PRKCA: variants seen among roughly 807,000 people sequenced by gnomAD.
PRKCA encodes the protein protein kinase C alpha.
PRKCA carries 27 observed loss-of-function variants against 87.0 expected under a neutral mutation model. The observed-to-expected ratio is 0.31, with a 90% confidence interval of 0.23 to 0.43. The LOEUF is 0.43. Among genes scored for constraint, PRKCA ranks in the 20% least tolerant of loss-of-function variants. The probability of loss-of-function intolerance (pLI) is 1.00; values close to 1 mark genes in which losing one functional copy is unlikely to be tolerated. For synonymous variants in PRKCA, 329 were observed against 311.1 expected, an observed-to-expected ratio of 1.06 and a Z score of -0.61; for missense variants, 518 against 852.3, an observed-to-expected ratio of 0.61 and a Z score of 4.88.
At chr17:66,590,479 A>G (rs1206198113) in intron 3 of PRKCA, among the ~76,000 whole-genome samples, 3 of 152,192 alleles carry the variant, frequency 2.0e-5, no homozygotes, top group Non-Finnish European at 2.9e-5. Context: ...TAAATGTTAT[A>G]TACACAGTAC....
At chr17:66,519,541 C>T (rs747675161) in intron 3 of PRKCA, among the ~76,000 whole-genome samples, 1 of 152,108 alleles carries the variant, frequency 6.6e-6, no homozygotes, top group East Asian at 1.9e-4. Flanking sequence ...TCCTGGCCCT[C>T]GGTTTCCTCA....
intron 2 of PRKCA, among the ~76,000 whole-genome samples, chr17:66,350,590 G>A (rs1288206661): frequency 2.0e-5 from 3 of 152,042 alleles, no homozygotes; most frequent in South Asian, 2.1e-4. Flanking sequence ...TGGCACCGTC[G>A]TGGCTCACTG....
intron 14 of PRKCA, among the ~76,000 whole-genome samples, chr17:66,781,891 T>TATATATATA (rs1568030798): frequency 7.3e-4 from 99 of 135,460 alleles, no homozygotes; most frequent in Admixed American, 1.3e-3. Flanking sequence ...ATATATAGTG[T>TATATATATA]GTGTGTGTGT....
rs1290807308 is a variant in PRKCA, at chr17:66,587,889, GTGTGTGTA to G, written c.289-53464_289-53457del. Among the ~76,000 whole-genome samples, 49 of 94,226 alleles carry G rather than the reference GTGTGTGTA, an allele frequency of 5.2e-4. 4 individuals are homozygous for G. The highest frequency in any genetic ancestry group is 9.3e-4 in the Non-Finnish European group (46 of 49,314). 61.8% of individuals were successfully genotyped at this position (94,226 alleles called of 152,430 possible). On this transcript the variant is annotated intron_variant, in intron 3 of 16. Transcript: ENST00000413366. ...TATGTATGTGTGTGTGTGTGTGTGT[GTGTGTGTA>G]TATATATATATATATATATATATAT...
At chr17:66,560,671 G>T (rs1228417488) in intron 3 of PRKCA, among the ~76,000 whole-genome samples, 1 of 152,172 alleles carries the variant, frequency 6.6e-6, no homozygotes, top group Non-Finnish European at 1.5e-5. Flanking sequence ...TAAGCCCTAT[G>T]ACACCGTTCA....
At chr17:66,416,081 A>C (rs1005708362) in intron 2 of PRKCA, 1 of 151,626 alleles carries the variant, frequency 6.6e-6, no homozygotes, top group African/African-American at 2.4e-5. Flanking sequence ...AACCGGTAAG[A>C]CCCCCTCCCT....
rs1430986533 is a variant in PRKCA, at chr17:66,783,164, C to T, written c.1606-3703C>T. Reference sequence around the variant, plus strand: ...AGGCTGGAATGCACAGGCTCTGTCACGGGTGTTTGGTCTTGTGGCTTTGTT... The same window carrying T: ...AGGCTGGAATGCACAGGCTCTGTCATGGGTGTTTGGTCTTGTGGCTTTGTT... On this transcript the variant is annotated intron_variant, in intron 14 of 16. Coordinates refer to ENST00000413366, the MANE Select transcript of PRKCA (RefSeq NM_002737.3). 2.0e-5 allele frequency among the ~76,000 whole-genome samples: 3 copies of T among 152,224 alleles called. 1 individual carries two copies. Among genetic ancestry groups the T allele is most frequent in the South Asian group, 4.2e-4 (2 of 4,804 alleles).
chr17:66,670,719 C>T (rs948435985), intron 5 of PRKCA, among the ~76,000 whole-genome samples: 4 of 151,602 alleles, frequency 2.6e-5, no homozygotes, highest in East Asian at 1.9e-4. Context: ...CAGAAATGAC[C>T]GGTGTGATGG....
Position 66,710,759 on chromosome 17 carries a change from G to A in PRKCA, c.918+21712G>A, listed in dbSNP as rs569542078. Among the ~76,000 whole-genome samples the A allele has an allele frequency of 2.8e-4, 42 of 152,174 alleles. No individual in the cohort carries two copies. The South Asian group carries it at 8.3e-3, about 30-fold the overall frequency. ...TTTAAAATTTTACCTGCTGGGCACG[G>A]TGGCTCACACCTGTAATCCCAGCAC... On this transcript the variant is annotated intron_variant, in intron 8 of 16. Coordinates refer to ENST00000413366, the MANE Select transcript of PRKCA (RefSeq NM_002737.3).
intron 2 of PRKCA, among the ~76,000 whole-genome samples, chr17:66,423,869 A>G (rs1598660189): frequency 6.9e-6 from 1 of 145,700 alleles, no homozygotes; most frequent in East Asian, 1.9e-4. Flanking sequence ...AGACAGCAGT[A>G]TGTGGCTCCA....
intron 2 of PRKCA, among the ~76,000 whole-genome samples, chr17:66,468,173 A>G (rs1311397226): frequency 6.6e-6 from 1 of 152,256 alleles, no homozygotes; most frequent in African/African-American, 2.4e-5. Flanking sequence ...TTTTGGCTTA[A>G]AGAAATGAAA....
At chr17:66,458,520 G>A (rs551464858) in intron 2 of PRKCA, among the ~76,000 whole-genome samples, 47 of 150,654 alleles carry the variant, frequency 3.1e-4, no homozygotes, top group African/African-American at 1.0e-3. Flanking sequence ...CTATTCTGTC[G>A]CCCAGGCTGG....
chr17:66,496,392 T>A, intron 3 of PRKCA, 109 bp downstream of exon 3: 1 of 872,918 alleles, frequency 1.1e-6, no homozygotes, highest in Non-Finnish European at 1.9e-6. Context: ...ATGGGAAGAC[T>A]CAATTCTCAT....
chr17:66,707,761 AC>A (rs1220887958), intron 8 of PRKCA, among the ~76,000 whole-genome samples: 3 of 151,868 alleles, frequency 2.0e-5, no homozygotes, highest in Non-Finnish European at 4.4e-5. Context: ...TCTGGAAACG[AC>A]CCCTGACCCT....
At chr17:66,686,542 G>T (rs1972632569) in intron 5 of PRKCA, among the ~76,000 whole-genome samples, 1 of 152,218 alleles carries the variant, frequency 6.6e-6, no homozygotes, top group South Asian at 2.1e-4. Context: ...ATTCCTTGGA[G>T]ATTCTAGTTT....
chr17:66,485,227 C>G (rs939255501), intron 2 of PRKCA, among the ~76,000 whole-genome samples: 2 of 152,124 alleles, frequency 1.3e-5, no homozygotes, highest in Non-Finnish European at 2.9e-5. Flanking sequence ...GAACGATGCT[C>G]CCCCAAAACC....
chr17:66,530,992 A>T (rs1210822663), intron 3 of PRKCA, among the ~76,000 whole-genome samples: 3 of 152,088 alleles, frequency 2.0e-5, no homozygotes, highest in Non-Finnish European at 4.4e-5. Flanking sequence ...ATTTTTTGGG[A>T]CACAAGGGCC....
intron 2 of PRKCA, among the ~76,000 whole-genome samples, chr17:66,454,745 C>T (rs2143937561): frequency 6.6e-6 from 1 of 152,334 alleles, no homozygotes; most frequent in African/African-American, 2.4e-5. Context: ...CCACTGGCTC[C>T]CTCCCCCAAT....
At chr17:66,555,823 G>C (rs1295232535) in intron 3 of PRKCA, among the ~76,000 whole-genome samples, 1 of 152,026 alleles carries the variant, frequency 6.6e-6, no homozygotes, top group African/African-American at 2.4e-5. Context: ...TTAGGTGAAG[G>C]GTTTCCCTTC....
Sources: gnomAD v4.1 joint callset for allele counts (sites outside exome capture counted in the v4.1 genomes callset) on GRCh38, gnomAD v4.1.1 for gene constraint, MANE v1.5 for transcripts, NCBI Gene and HGNC (gene_info 2026-07-23, HGNC 2026-07-21) for gene names.